NOS1: variants seen among roughly 807,000 people sequenced by gnomAD.
NOS1 encodes NOS type I.
In NOS1, 51 loss-of-function variants were observed where a neutral mutation model predicts 164.5. The observed-to-expected ratio is 0.31, with a 90% CI of 0.25 to 0.39. NOS1 has a LOEUF of 0.39. Among genes scored for constraint, NOS1 ranks in the 10% least tolerant of loss-of-function variants. The pLI is 1.00. For missense variants in NOS1, 1,362 were observed against 1,885.6 expected, an observed-to-expected ratio of 0.72 and a Z score of 5.14; for synonymous variants, 719 against 745.8, an observed-to-expected ratio of 0.96 and a Z score of 0.59.
chr12:117,250,190 G>A (rs1006555081), intron 17 of NOS1, among the ~76,000 whole-genome samples: 3 of 147,580 alleles, frequency 2.0e-5, no homozygotes, highest in African/African-American at 5.0e-5. Flanking sequence ...AGTTAATGTA[G>A]GTTAATATCC....
chr12:117,217,636 T>A (rs185969752), intron 28 of NOS1, among the ~76,000 whole-genome samples: 25 of 150,948 alleles, frequency 1.7e-4, no homozygotes, highest in African/African-American at 5.8e-4. Context: ...GCCTAGGAGG[T>A]GGAGGATGCA....
In NOS1 at chr12:117,250,941, T is replaced by C. The variant is rs184687582; in HGVS notation, c.2648+2697A>G. Among the ~76,000 whole-genome samples the C allele has an allele frequency of 1.2e-4, 18 of 152,342 alleles. No individual in the cohort carries two copies. In the East Asian group the frequency reaches 3.5e-3, roughly 29 times the overall value. ...CACTCATTTGTGTTTTTGAACTTGCTTTTAATTTTTCCTCACTAGCTCATC... is the reference window on the plus strand; with the variant it reads ...CACTCATTTGTGTTTTTGAACTTGCCTTTAATTTTTCCTCACTAGCTCATC... On this transcript the variant is annotated intron_variant, in intron 17 of 28. Transcript: ENST00000317775.
intron 9 of NOS1, among the ~76,000 whole-genome samples, chr12:117,276,835 A>G (rs982873505): frequency 2.0e-5 from 3 of 152,158 alleles, no homozygotes; most frequent in Admixed American, 6.5e-5. Flanking sequence ...GCAGCTGTAT[A>G]GTACTTCATT....
At chr12:117,355,889 A>G (rs1876831512) in intron 1 of NOS1, among the ~76,000 whole-genome samples, 1 of 152,116 alleles carries the variant, frequency 6.6e-6, no homozygotes, top group Admixed American at 6.5e-5. Flanking sequence ...CCTGCTGAGC[A>G]GCTGGGACCA....
rs1002341976 is a variant in NOS1, at chr12:117,234,982, G to A, written c.3042-224C>T. Among the ~76,000 whole-genome samples the A allele has an allele frequency of 1.3e-5, 2 of 151,838 alleles. No homozygotes were observed. Among genetic ancestry groups the A allele is most frequent in the African/African-American group, 2.4e-5 (1 of 41,350 alleles). ...CACCCTGGCTGGAGTGCAGTGGTGC[G>A]ATCACGGCTCACTGCAGCCTCTATC... On this transcript the variant is annotated intron_variant, in intron 20 of 28. Transcript: ENST00000317775. The surrounding 1 kb of genome is among the most constrained non-coding windows in gnomAD (Gnocchi z 4.3).
At position 117,247,384 on chromosome 12, in the gene NOS1, T is replaced by C. The variant is rs371848878; in HGVS notation, c.2787A>G (p.Glu929=). The change falls in exon 18 of 29, where the codon GAA becomes GAG. Residue 929 remains glutamate (E), a synonymous_variant. Coordinates refer to ENST00000317775, the MANE Select transcript of NOS1 (RefSeq NM_000620.5). ...TCTTGGCCCAGGTCCTGAAAGCCTCTTCCTGCCCACAGAGCTCATCCCCTT... is the reference window on the plus strand; with the variant it reads ...TCTTGGCCCAGGTCCTGAAAGCCTCCTCCTGCCCACAGAGCTCATCCCCTT... ...MREGDELCGQ[E]EAFRTWAKKV... is the part of the protein sequence containing the mutation. 1.2e-6 allele frequency: 2 copies of C among 1,608,380 alleles called. No individual in the cohort carries two copies. The highest frequency in any genetic ancestry group is 1.3e-5 in the African/African-American group (1 of 74,640).
chr12:117,292,255 G>C (rs1873111148), intron 3 of NOS1, among the ~76,000 whole-genome samples: 1 of 152,180 alleles, frequency 6.6e-6, no homozygotes. Flanking sequence ...AGAAAATGGG[G>C]AGGTGACTGT....
At chr12:117,258,247 A>G in intron 16 of NOS1, 150 bp downstream of exon 16, 2 of 739,806 alleles carry the variant, frequency 2.7e-6, no homozygotes, top group Non-Finnish European at 4.6e-6. Flanking sequence ...GCCCCAGTAG[A>G]CTGCAGACAC....
intron 1 of NOS1, among the ~76,000 whole-genome samples, chr12:117,334,192 C>T (rs1191985772): frequency 6.6e-6 from 1 of 152,204 alleles, no homozygotes; most frequent in East Asian, 1.9e-4. Context: ...TCTGCTGCAT[C>T]CTAGAATCAG....
At chr12:117,335,504 C>T (rs1875762923) in intron 1 of NOS1, among the ~76,000 whole-genome samples, 2 of 152,098 alleles carry the variant, frequency 1.3e-5, no homozygotes, top group Admixed American at 1.3e-4. Flanking sequence ...AGCTGACTAT[C>T]GGGGATGGCT....
chr12:117,323,840 G>A (rs1053454400), intron 2 of NOS1, among the ~76,000 whole-genome samples: 4 of 152,030 alleles, frequency 2.6e-5, no homozygotes, highest in African/African-American at 7.3e-5. Flanking sequence ...GGAGTGCAGT[G>A]AGGCGATTTC....
intron 1 of NOS1, among the ~76,000 whole-genome samples, chr12:117,341,427 T>G (rs1284256830): frequency 6.6e-6 from 1 of 152,210 alleles, no homozygotes; most frequent in Non-Finnish European, 1.5e-5. Flanking sequence ...GCTGCAGGGC[T>G]GTCATCCCGA....
rs561071375 is a variant in NOS1, at chr12:117,286,278, G to A, written c.1128-12C>T. The A allele has an allele frequency of 6.2e-7, 1 of 1,614,066 alleles. No homozygotes were observed. Among genetic ancestry groups the A allele is most frequent in the African/African-American group, 1.3e-5 (1 of 75,044 alleles). On this transcript the variant is annotated splice_polypyrimidine_tract_variant and intron_variant, in intron 5 of 28. Coordinates refer to ENST00000317775, the MANE Select transcript of NOS1 (RefSeq NM_000620.5). The stretch of plus-strand genomic sequence containing the variant: ...CTTTGGAGCCAAATCTGAGTGAAGA[G>A]GAAGGGACATGGGAACATCACCCCC...
At position 117,220,140 on chromosome 12, in the gene NOS1, G is replaced by A. The variant is rs772482052; in HGVS notation, c.4105C>T (p.Arg1369Cys). 1.3e-5 allele frequency: 21 copies of A among 1,613,930 alleles called. No individual in the cohort carries two copies. The highest frequency in any genetic ancestry group is 2.2e-5 in the East Asian group (1 of 44,872). Residue 1369 changes from arginine to cysteine, a missense_variant, in exon 27 of 29, where the codon CGC (arginine) becomes TGC (cysteine). Physicochemically the swap from Arg to Cys is radical, Grantham distance 180. This residue lies in a region of NOS1 where 737 missense variants were observed against 1,030.3 expected (regional missense o/e 0.72). Coordinates refer to ENST00000317775, the MANE Select transcript of NOS1 (RefSeq NM_000620.5). ...AGCTTCCCCTGCTGGGTCATGATGC[G>A]CTGGATGGCTTTGAGGACATCAGCA... ...MAADVLKAIQRIMTQQGKLSA... is the reference protein window; with the variant it reads ...MAADVLKAIQCIMTQQGKLSA...
At chr12:117,325,101 C>T (rs538540539) in intron 2 of NOS1, among the ~76,000 whole-genome samples, 1 of 147,850 alleles carries the variant, frequency 6.8e-6, no homozygotes, top group Non-Finnish European at 1.5e-5. Context: ...GGATCTGGGG[C>T]TCTGGGACTG....
Position 117,210,118 on chromosome 12 carries a change from G to A in NOS1, c.*5191C>T. On this transcript the variant is annotated 3_prime_UTR_variant, in exon 29 of 29. Coordinates refer to ENST00000317775, the MANE Select transcript of NOS1 (RefSeq NM_000620.5). ...CTCCCAAGTAGCTGGGACCACAGGAGCATGCCATCATGCCCAGCTAATTTT... is the reference window on the plus strand; with the variant it reads ...CTCCCAAGTAGCTGGGACCACAGGAACATGCCATCATGCCCAGCTAATTTT... 3.6e-6 allele frequency: 2 copies of A among 551,996 alleles called. No individual in the cohort carries two copies. The highest frequency in any genetic ancestry group is 4.6e-6 in the Non-Finnish European group (2 of 434,118). The allele number at this position is 551,996 out of a possible 1,614,324, so 34.2% of individuals were successfully genotyped here. A position where few individuals can be genotyped will look rare whatever the true frequency, so the allele number is the denominator to read the frequency against.
intron 8 of NOS1, among the ~76,000 whole-genome samples, chr12:117,278,856 T>C (rs1419624038): frequency 6.7e-6 from 1 of 149,472 alleles, no homozygotes; most frequent in Admixed American, 6.7e-5. Flanking sequence ...ATATTCTAAT[T>C]ATATATTTGA....
At chr12:117,222,633 A>C in intron 26 of NOS1, 82 bp downstream of exon 26, 1 of 1,309,178 alleles carries the variant, frequency 7.6e-7, no homozygotes. Context: ...CTTAAGAGTG[A>C]GGGTGAGGGG....
intron 3 of NOS1, among the ~76,000 whole-genome samples, chr12:117,298,044 AG>A (rs1217623859): frequency 6.6e-6 from 1 of 152,082 alleles, no homozygotes; most frequent in African/African-American, 2.4e-5. Flanking sequence ...GGATGATTCA[AG>A]GGCATTACAT....
Sources: allele counts gnomAD v4.1 joint callset (sites outside exome capture counted in the v4.1 genomes callset), GRCh38; gene constraint gnomAD v4.1.1; regional missense constraint gnomAD v4.1.1; non-coding constraint Gnocchi (gnomAD v3.1); transcripts MANE v1.5; gene names NCBI Gene and HGNC (gene_info 2026-07-23, HGNC 2026-07-21).